PCTP: variants seen among roughly 807,000 people sequenced by gnomAD.
PCTP encodes the protein START domain-containing protein 2.
PCTP carries 27 observed loss-of-function variants against 31.0 expected under a neutral mutation model. That is an observed-to-expected ratio of 0.87 (90% CI 0.64 to 1.20). The LOEUF (loss-of-function observed/expected upper bound fraction) is 1.20. Among genes scored for constraint, PCTP ranks in the 50% most tolerant of loss-of-function variants. The probability of loss-of-function intolerance (pLI) is 0.00; values close to 1 mark genes in which losing one functional copy is unlikely to be tolerated. For missense variants in PCTP, 287 were observed against 268.2 expected (o/e 1.07, Z -0.49); for synonymous variants, 108 against 101.2 (o/e 1.07, Z -0.40).
chr17:55,849,937 A>G, the PCTP span, among the ~76,000 whole-genome samples: 1 of 152,266 alleles, frequency 6.6e-6, no homozygotes, highest in Admixed American at 6.5e-5. Flanking sequence ...AATTTGACAT[A>G]TTACAGTGGA....
chr17:55,833,101 G>A (rs1463879719), intron 5 of PCTP, among the ~76,000 whole-genome samples: 1 of 152,160 alleles, frequency 6.6e-6, no homozygotes, highest in Non-Finnish European at 1.5e-5. Context: ...GAATGTGTTC[G>A]CTTAGGAAAT....
At chr17:55,810,245 G>A (rs1450677466) in intron 3 of PCTP, among the ~76,000 whole-genome samples, 3 of 152,174 alleles carry the variant, frequency 2.0e-5, no homozygotes, top group Non-Finnish European at 4.4e-5. Context: ...GCAAACTCCT[G>A]GCCTCAAGTG....
chr17:55,803,756 C>T (rs575461547), intron 3 of PCTP, among the ~76,000 whole-genome samples: 4 of 152,028 alleles, frequency 2.6e-5, no homozygotes, highest in East Asian at 3.9e-4. Flanking sequence ...CCATAAAAAC[C>T]CTGGAAGAAT....
intron 2 of PCTP, among the ~76,000 whole-genome samples, chr17:55,768,102 C>G (rs2960068): frequency 0.82 from 123,165 of 150,700 alleles, 54,040 homozygotes; most frequent in Non-Finnish European, 0.98. Context: ...AAAAAAAAGT[C>G]TAATCTATTT....
At chr17:55,837,349 T>G (rs113409292) in intron 5 of PCTP, among the ~76,000 whole-genome samples, 10,003 of 152,190 alleles carry the variant, frequency 0.066, 369 homozygotes, top group African/African-American at 0.1. Flanking sequence ...CAAGAACGTG[T>G]GCACTAGACT....
chr17:55,766,358 C>T (rs907511720), intron 1 of PCTP, among the ~76,000 whole-genome samples: 12 of 151,130 alleles, frequency 7.9e-5, no homozygotes, highest in African/African-American at 2.4e-4. Context: ...TGTGCTGCAC[C>T]CATTAACTCG....
intron 2 of PCTP, among the ~76,000 whole-genome samples, chr17:55,782,835 C>G (rs1021746760): frequency 6.6e-6 from 1 of 152,214 alleles, no homozygotes; most frequent in South Asian, 2.1e-4. Flanking sequence ...AATCCCTATT[C>G]CTTACCTTGT....
intron 2 of PCTP, among the ~76,000 whole-genome samples, chr17:55,787,352 AAT>A (rs748853138): frequency 3.3e-5 from 5 of 150,506 alleles, no homozygotes; most frequent in African/African-American, 9.7e-5. Flanking sequence ...ATAAAATATG[AAT>A]ATATATATAT....
In PCTP at chr17:55,805,886, A is replaced by ATGTGTGTGTG. The variant is rs58345619; in HGVS notation, c.318-16853_318-16844dup. Among the ~76,000 whole-genome samples the ATGTGTGTGTG allele has an allele frequency of 5.3e-3, 752 of 142,842 alleles. 10 individuals are homozygous for ATGTGTGTGTG. Among genetic ancestry groups the ATGTGTGTGTG allele is most frequent in the African/African-American group, 0.015 (583 of 39,296 alleles). 93.7% of individuals were successfully genotyped at this position (142,842 alleles called of 152,430 possible). On this transcript the variant is annotated intron_variant, in intron 3 of 3. Transcript: ENST00000572536. ...TTATGGTCTCTCTCTCTCAATCTGTATGTGTGTGTGTGTGTGTGTGTGTGT... is the reference window on the plus strand; with the variant it reads ...TTATGGTCTCTCTCTCTCAATCTGTATGTGTGTGTGTGTGTGTGTGTGTGTGTGTGTGTGT...
intron 5 of PCTP, among the ~76,000 whole-genome samples, chr17:55,841,459 T>C (rs865782886): frequency 6.6e-6 from 1 of 152,370 alleles, no homozygotes; most frequent in Middle Eastern, 3.4e-3. Context: ...TTATGCAGAT[T>C]ATATTTTTAC....
intron 1 of PCTP, among the ~76,000 whole-genome samples, chr17:55,762,378 G>A (rs1910385835): frequency 1.3e-5 from 2 of 152,060 alleles, no homozygotes; most frequent in Non-Finnish European, 2.9e-5. Context: ...GGGGGCATCC[G>A]TGAGTCTTAT....
chr17:55,820,137 A>G (rs1913068429), intron 3 of PCTP, among the ~76,000 whole-genome samples: 1 of 152,218 alleles, frequency 6.6e-6, no homozygotes, highest in Admixed American at 6.5e-5. Flanking sequence ...CACCAAAAGC[A>G]TAAGCAAAAA....
At chr17:55,833,383 A>G (rs1905670573) in intron 5 of PCTP, among the ~76,000 whole-genome samples, 1 of 152,240 alleles carries the variant, frequency 6.6e-6, no homozygotes, top group Non-Finnish European at 1.5e-5. Flanking sequence ...TATGCCTTCT[A>G]CATACTTCCT....
chr17:55,836,063 TGCAATAG>T (rs1905766923), intron 5 of PCTP, among the ~76,000 whole-genome samples: 1 of 152,192 alleles, frequency 6.6e-6, no homozygotes, highest in Non-Finnish European at 1.5e-5. Flanking sequence ...TCTTCTGTGT[TGCAATAG>T]GCTAGCAAAT....
chr17:55,787,336 A>C (rs980048927), intron 2 of PCTP, among the ~76,000 whole-genome samples: 1 of 151,140 alleles, frequency 6.6e-6, no homozygotes, highest in African/African-American at 2.4e-5. Flanking sequence ...TATATTTTTT[A>C]AGTATATAAA....
chr17:55,813,921 G>A (rs1170448429), intron 3 of PCTP, among the ~76,000 whole-genome samples: 1 of 151,976 alleles, frequency 6.6e-6, no homozygotes, highest in Non-Finnish European at 1.5e-5. Flanking sequence ...ACATGCCTGT[G>A]GTTCCAGCTA....
chr17:55,832,641 T>A (rs922282465), intron 5 of PCTP, among the ~76,000 whole-genome samples: 2 of 152,374 alleles, frequency 1.3e-5, no homozygotes, highest in Non-Finnish European at 2.9e-5. Flanking sequence ...CCTAGGCCTT[T>A]GAGAGCTGCT....
chr17:55,789,847 C>T (rs979187896), intron 3 of PCTP, among the ~76,000 whole-genome samples: 3 of 152,110 alleles, frequency 2.0e-5, no homozygotes, highest in Admixed American at 1.3e-4. Flanking sequence ...AGAGACACAA[C>T]CAAAAAAGAG....
chr17:55,822,623 G>A (rs1034948566), intron 3 of PCTP: 8 of 401,250 alleles, frequency 2.0e-5, no homozygotes, highest in African/African-American at 4.1e-5. Context: ...TCTATTCCTC[G>A]TGATCCAGAG....
Sources: allele counts gnomAD v4.1 joint callset (sites outside exome capture counted in the v4.1 genomes callset), GRCh38; gene constraint gnomAD v4.1.1; transcripts MANE v1.5; gene names NCBI Gene and HGNC (gene_info 2026-07-23, HGNC 2026-07-21).